The following PIP5K1B variants were observed in gnomAD, a reference collection of about 807,000 sequenced individuals.
PIP5K1B encodes phosphatidylinositol-4-phosphate 5-kinase type 1 beta, also known as phosphatidylinositol 4-phosphate 5-kinase type-1 beta.
Under a neutral mutation model 67.0 loss-of-function variants are expected in PIP5K1B, and 42 were observed. That is an observed-to-expected ratio of 0.63 (90% CI 0.49 to 0.81). PIP5K1B has a LOEUF of 0.81. Ranked by LOEUF, PIP5K1B falls within the 30% of genes least tolerant of loss-of-function variation. PIP5K1B has a pLI of 0.00. For missense variants in PIP5K1B, 459 were observed against 646.3 expected (o/e 0.71, Z 3.14); for synonymous variants, 214 against 231.4 (o/e 0.92, Z 0.68).
At chr9:68,943,490 CAACA>C (rs1827659445) in intron 14 of PIP5K1B, among the ~76,000 whole-genome samples, 1 of 152,088 alleles carries the variant, frequency 6.6e-6, no homozygotes, top group South Asian at 2.1e-4. Context: ...CAAACTTCAC[CAACA>C]AACCAAAACA....
chr9:68,963,137 A>G (rs1430509042), intron 14 of PIP5K1B: 5 of 456,314 alleles, frequency 1.1e-5, no homozygotes, highest in South Asian at 7.7e-5. Context: ...CATTTGCAGC[A>G]TCTCAAATAA....
At chr9:68,797,503 T>C (rs1832361934) in intron 2 of PIP5K1B, among the ~76,000 whole-genome samples, 1 of 152,258 alleles carries the variant, frequency 6.6e-6, no homozygotes, top group East Asian at 1.9e-4. Context: ...TAATTGTTTT[T>C]ATTTTTCCAT....
At chr9:68,784,864 T>G (rs931712236) in intron 2 of PIP5K1B, among the ~76,000 whole-genome samples, 4 of 152,072 alleles carry the variant, frequency 2.6e-5, no homozygotes, top group Admixed American at 2.0e-4. Context: ...TTGAATTGAT[T>G]TGTTGTTGCA....
At chr9:68,762,536 A>C (rs1267044984) in intron 2 of PIP5K1B, among the ~76,000 whole-genome samples, 2 of 152,160 alleles carry the variant, frequency 1.3e-5, no homozygotes, top group African/African-American at 4.8e-5. Flanking sequence ...GCTTAGAAGG[A>C]AATCTTCAAA....
At chr9:68,932,724 T>A (rs1827060340) in intron 12 of PIP5K1B, among the ~76,000 whole-genome samples, 2 of 152,054 alleles carry the variant, frequency 1.3e-5, no homozygotes, top group Admixed American at 1.3e-4. Flanking sequence ...ATGATGAAAA[T>A]AATTTTAACA....
intron 14 of PIP5K1B, among the ~76,000 whole-genome samples, chr9:68,948,282 G>A (rs929246755): frequency 2.0e-5 from 3 of 152,180 alleles, no homozygotes; most frequent in African/African-American, 7.2e-5. Flanking sequence ...AGCATTACCA[G>A]TGAACCTGAG....
chr9:68,777,620 A>G (rs1830982963), intron 2 of PIP5K1B, among the ~76,000 whole-genome samples: 1 of 152,184 alleles, frequency 6.6e-6, no homozygotes, highest in Non-Finnish European at 1.5e-5. Flanking sequence ...AAACCAGCTA[A>G]GATCTCTAAT....
intron 6 of PIP5K1B, among the ~76,000 whole-genome samples, chr9:68,878,541 T>C (rs1412147573): frequency 6.6e-6 from 1 of 152,240 alleles, no homozygotes; most frequent in Admixed American, 6.5e-5. Flanking sequence ...GAAAAGTCTT[T>C]GTCCCTGTAC....
chr9:68,871,665 T>G (rs979080061), intron 5 of PIP5K1B, among the ~76,000 whole-genome samples: 1 of 152,228 alleles, frequency 6.6e-6, no homozygotes, highest in Non-Finnish European at 1.5e-5. Flanking sequence ...TGAAATTTCT[T>G]TCTCCTTTTT....
At chr9:68,993,516 A>T (rs916353653) in intron 15 of PIP5K1B, among the ~76,000 whole-genome samples, 1 of 152,106 alleles carries the variant, frequency 6.6e-6, no homozygotes, top group Non-Finnish European at 1.5e-5. Context: ...GCATAAACAA[A>T]TTTTTTTGCA....
At chr9:68,855,357 A>G (rs1194879525) in intron 4 of PIP5K1B, among the ~76,000 whole-genome samples, 1 of 152,026 alleles carries the variant, frequency 6.6e-6, no homozygotes, top group Non-Finnish European at 1.5e-5. Context: ...TTCTCATTCA[A>G]CCCCTTGGTT....
intron 1 of PIP5K1B, among the ~76,000 whole-genome samples, chr9:68,712,947 A>G (rs770815595): frequency 3.9e-5 from 6 of 152,220 alleles, no homozygotes; most frequent in Non-Finnish European, 8.8e-5. Flanking sequence ...ATACAAGGCA[A>G]TTCCTATGAT....
chr9:68,958,835 T>A (rs1411471328), intron 14 of PIP5K1B, among the ~76,000 whole-genome samples: 1 of 152,204 alleles, frequency 6.6e-6, no homozygotes, highest in African/African-American at 2.4e-5. Context: ...AGGATTTTTT[T>A]CACATTTCCT....
intron 8 of PIP5K1B, among the ~76,000 whole-genome samples, chr9:68,904,730 C>T (rs1467147461): frequency 4.7e-5 from 7 of 148,524 alleles, no homozygotes; most frequent in Non-Finnish European, 5.9e-5. Context: ...ACTACAGAAA[C>T]GGAAGGATTA....
chr9:68,746,026 T>G (rs115383299), intron 2 of PIP5K1B, among the ~76,000 whole-genome samples: 1 of 152,096 alleles, frequency 6.6e-6, no homozygotes, highest in South Asian at 2.1e-4. Flanking sequence ...AAAAGTTACT[T>G]TTGTTTAAGC....
At chr9:68,788,022 C>A (rs1354163303) in intron 2 of PIP5K1B, among the ~76,000 whole-genome samples, 2 of 152,222 alleles carry the variant, frequency 1.3e-5, no homozygotes, top group African/African-American at 2.4e-5. Flanking sequence ...AAATGTTGGT[C>A]TTTTTCAGTA....
At chr9:68,779,758 C>A (rs1831121672) in intron 2 of PIP5K1B, among the ~76,000 whole-genome samples, 1 of 152,238 alleles carries the variant, frequency 6.6e-6, no homozygotes, top group African/African-American at 2.4e-5. Context: ...CTCGAGGAAG[C>A]CCTCCCTGAT....
chr9:68,721,118 T>C (rs1827861667), intron 1 of PIP5K1B, among the ~76,000 whole-genome samples: 2 of 152,194 alleles, frequency 1.3e-5, no homozygotes, highest in South Asian at 4.1e-4. Context: ...GGCCAGACCA[T>C]CGACATCTTG....
At chr9:68,974,064 T>C (rs968585340) in intron 14 of PIP5K1B, among the ~76,000 whole-genome samples, 4 of 152,144 alleles carry the variant, frequency 2.6e-5, no homozygotes, top group Non-Finnish European at 5.9e-5. Context: ...GAAATGGGGT[T>C]CCACCCTGTT....
Sources: allele counts gnomAD v4.1 joint callset (sites outside exome capture counted in the v4.1 genomes callset), GRCh38; gene constraint gnomAD v4.1.1; transcripts MANE v1.5; gene names NCBI Gene and HGNC (gene_info 2026-07-23, HGNC 2026-07-21).